Variants in SMC1B observed in about 807,000 individuals in gnomAD.
SMC1B encodes structural maintenance of chromosomes 1B.
Under a neutral mutation model 157.9 loss-of-function variants are expected in SMC1B, and 60 were observed. The ratio of observed to expected loss-of-function variants is 0.38; its 90% CI spans 0.31 to 0.47. SMC1B has a LOEUF of 0.47. Among genes scored for constraint, SMC1B ranks in the 20% least tolerant of loss-of-function variants. SMC1B has a pLI of 0.99. For synonymous variants in SMC1B, 445 were observed against 483.0 expected (o/e 0.92, Z 1.03); for missense variants, 1,165 against 1,426.2 (o/e 0.82, Z 2.95).
intron 4 of SMC1B, among the ~76,000 whole-genome samples, chr22:45,404,006 A>G (rs2087228163): frequency 6.6e-6 from 1 of 152,138 alleles, no homozygotes; most frequent in Admixed American, 6.5e-5. Context: ...CAGTGGTGCA[A>G]TCTCGGCTCA....
chr22:45,344,320 G>T lies in SMC1B; in HGVS notation c.*236C>A. The T allele has an allele frequency of 3.3e-6, 1 of 306,206 alleles. No individual in the cohort carries two copies. The allele number at this position is 306,206 out of a possible 1,614,324, so 19.0% of individuals were successfully genotyped here. ...ATTATAGTACAAAATTGTACCTTTT[G>T]TTTGTTTTTTAAAAACTCATTTGAC... On this transcript the variant is annotated 3_prime_UTR_variant, in exon 25 of 25. Coordinates refer to ENST00000357450, the MANE Select transcript of SMC1B (RefSeq NM_148674.5).
At chr22:45,400,669 T>C (rs1401222041) in intron 5 of SMC1B, among the ~76,000 whole-genome samples, 2 of 151,994 alleles carry the variant, frequency 1.3e-5, no homozygotes, top group Admixed American at 6.5e-5. Flanking sequence ...GATTATAGTA[T>C]GAAAAGGGAG....
intron 15 of SMC1B, among the ~76,000 whole-genome samples, chr22:45,364,737 C>A (rs965093273): frequency 2.6e-5 from 4 of 152,088 alleles, no homozygotes; most frequent in Non-Finnish European, 5.9e-5. Flanking sequence ...TCACATTACC[C>A]TGGCTTTCCT....
chr22:45,361,058 C>T (rs1312961014), intron 17 of SMC1B, among the ~76,000 whole-genome samples: 1 of 151,378 alleles, frequency 6.6e-6, no homozygotes, highest in Non-Finnish European at 1.5e-5. Context: ...TGAATATTAA[C>T]ATATGTAATA....
At position 45,393,801 on chromosome 22, in the gene SMC1B, C is replaced by T. The variant is rs1035532826; in HGVS notation, c.1378G>A (p.Val460Met). ...KEKKQQEETL[V>M]DEIEKTKSRM... is the part of the protein sequence containing the mutation. The stretch of plus-strand genomic sequence containing the variant: ...GATTTTGTTTTTTCAATTTCATCCA[C>T]TAGGGTTTCCTCTTGCTGTTTTTTC... Residue 460 changes from valine (V) to methionine (M), a missense_variant, in exon 9 of 25, where the codon GTG becomes ATG. Val to Met is a conservative substitution (Grantham distance 21, BLOSUM62 1). Coordinates refer to ENST00000357450, the MANE Select transcript of SMC1B (RefSeq NM_148674.5). 3.7e-6 allele frequency: 6 copies of T among 1,612,806 alleles called. No homozygotes were observed. The African/African-American group carries it at 6.7e-5, about 18-fold the overall frequency.
chr22:45,409,605 TAAATA>T (rs143213555), intron 1 of SMC1B, among the ~76,000 whole-genome samples: 43,396 of 123,984 alleles, frequency 0.35, 7,415 homozygotes, highest in African/African-American at 0.57. Context: ...AATAAATAAA[TAAATA>T]AAAACAAGAG....
chr22:45,352,546 G>T lies in SMC1B; in HGVS notation c.3330C>A (p.Asn1110Lys). The T allele has an allele frequency of 1.2e-6, 2 of 1,614,034 alleles. No individual in the cohort carries two copies. Among genetic ancestry groups the T allele is most frequent in the South Asian group, 2.2e-5 (2 of 91,068 alleles). Residue 1110 changes from asparagine (N) to lysine (K), a missense_variant, in exon 22 of 25, where the codon AAC becomes AAA. Asn to Lys is a moderately conservative substitution (Grantham distance 94). Transcript: ENST00000357450. ...EEPYLEGISY[N>K]CVAPGKRFMP... ...TAAACCGTTTGCCTGGGGCCACACA[G>T]TTATAGCTAATTCCCTCCAAGTAAG...
intron 12 of SMC1B, among the ~76,000 whole-genome samples, chr22:45,376,126 C>T (rs1214872422): frequency 6.6e-6 from 1 of 152,110 alleles, no homozygotes; most frequent in African/African-American, 2.4e-5. Context: ...GTGTACAGTT[C>T]AGTAGTGTTT....
chr22:45,374,128 A>C (rs539317364), intron 12 of SMC1B, among the ~76,000 whole-genome samples: 9 of 147,408 alleles, frequency 6.1e-5, no homozygotes. Flanking sequence ...AGAAAGCTTA[A>C]AGAGAAATAA....
At chr22:45,349,015 AT>A (rs1183927337) in intron 23 of SMC1B, among the ~76,000 whole-genome samples, 1,979 of 99,674 alleles carry the variant, frequency 0.02, 39 homozygotes, top group African/African-American at 0.069. Flanking sequence ...ACAAGGACTG[AT>A]TTTTTTTTTT....
At chr22:45,363,263 T>G (rs2086738916) in intron 15 of SMC1B, among the ~76,000 whole-genome samples, 2 of 152,234 alleles carry the variant, frequency 1.3e-5, no homozygotes, top group African/African-American at 4.8e-5. Flanking sequence ...CATGATGTAA[T>G]TTCACCTGTA....
rs370536687 is a variant in SMC1B, at chr22:45,361,880, A to G, written c.2667T>C (p.Thr889=). 14 of 1,613,974 alleles carry G rather than the reference A, an allele frequency of 8.7e-6. No homozygotes were observed. The highest frequency in any genetic ancestry group is 1.7e-5 in the Admixed American group (1 of 59,994). Residue 889 remains threonine, a synonymous_variant, in exon 17 of 25, where the codon ACT becomes ACC. Transcript: ENST00000357450. Reference sequence around the variant, plus strand: ...ACTTCTTCCGTTCCTCTTCAATTTGAGTTTGAACTTTCTCGGCACTGGAGT... The same window carrying G: ...ACTTCTTCCGTTCCTCTTCAATTTGGGTTTGAACTTTCTCGGCACTGGAGT... ...TQNSSAEKVQ[T]QIEEERKKFL...
At chr22:45,383,111 C>T (rs2086952945) in intron 12 of SMC1B, among the ~76,000 whole-genome samples, 1 of 146,596 alleles carries the variant, frequency 6.8e-6, no homozygotes, top group Admixed American at 6.8e-5. Context: ...CCAGCCTGGG[C>T]AACAAGAGCG....
In SMC1B at chr22:45,408,175, G is replaced by C. The variant is rs192717143; in HGVS notation, c.298+535C>G. 1.6e-3 allele frequency among the ~76,000 whole-genome samples: 236 copies of C among 152,198 alleles called. 1 individual carries two copies. Among genetic ancestry groups the C allele is most frequent in the South Asian group, 8.3e-3 (40 of 4,812 alleles). On this transcript the variant is annotated intron_variant, in intron 2 of 24. Coordinates refer to ENST00000357450, the MANE Select transcript of SMC1B (RefSeq NM_148674.5). ...GAGTCTTGATCTGTCGCCTAGGCTG[G>C]AGGGCAGTGGCGTGATCTCGGCTCA...
chr22:45,383,322 G>T lies in SMC1B; in HGVS notation c.2058+145C>A, dbSNP rs1002148753. Reference sequence around the variant, plus strand: ...GATATAAGGAAGAGAGTAAGGGAAAGATTTTTATTTTTTATTTTTATTTCA... The same window carrying T: ...GATATAAGGAAGAGAGTAAGGGAAATATTTTTATTTTTTATTTTTATTTCA... On this transcript the variant is annotated intron_variant, in intron 12 of 24. Coordinates refer to ENST00000357450, the MANE Select transcript of SMC1B (RefSeq NM_148674.5). The T allele has an allele frequency of 1.1e-5, 6 of 552,938 alleles. No individual in the cohort carries two copies. In the Admixed American group the frequency reaches 1.6e-4, roughly 15 times the overall value. 34.3% of individuals were successfully genotyped at this position (552,938 alleles called of 1,614,324 possible).
intron 1 of SMC1B, among the ~76,000 whole-genome samples, chr22:45,410,756 TAAAC>T (rs1424294444): frequency 6.6e-6 from 1 of 152,122 alleles, no homozygotes; most frequent in Non-Finnish European, 1.5e-5. Context: ...GAAAGTAACA[TAAAC>T]AAAGCAAAGG....
chr22:45,364,824 C>CTTTTTTTTTTTTTTTTTTT (rs202166311), intron 15 of SMC1B, among the ~76,000 whole-genome samples: 1 of 105,504 alleles, frequency 9.5e-6, no homozygotes, highest in African/African-American at 4.2e-5. Flanking sequence ...ATCTCTTTTC[C>CTTTTTTTTTTTTTTTTTTT]TTTTTTTTTT....
intron 11 of SMC1B, among the ~76,000 whole-genome samples, chr22:45,385,359 T>C (rs2086979825): frequency 6.6e-6 from 1 of 152,134 alleles, no homozygotes. Context: ...GAAAATTCTA[T>C]AACATGGTAT....
chr22:45,367,797 C>T (rs73889905), intron 15 of SMC1B, among the ~76,000 whole-genome samples: 1 of 152,044 alleles, frequency 6.6e-6, no homozygotes. Context: ...GATAAGGGCA[C>T]CACAGATGTA....
Sources: allele counts gnomAD v4.1 joint callset (sites outside exome capture counted in the v4.1 genomes callset), GRCh38; gene constraint gnomAD v4.1.1; transcripts MANE v1.5; gene names NCBI Gene and HGNC (gene_info 2026-07-23, HGNC 2026-07-21).